The following NIPSNAP3B variants were observed in gnomAD, a reference collection of about 807,000 sequenced individuals.
The protein encoded by NIPSNAP3B is protein NipSnap homolog 3B.
A neutral mutation model predicts 31.5 loss-of-function variants in NIPSNAP3B; 30 were observed. That is an observed-to-expected ratio of 0.95 (90% CI 0.71 to 1.29). NIPSNAP3B has a LOEUF of 1.29. NIPSNAP3B is among the 50% of genes most tolerant of loss of function. The pLI is 0.00. For synonymous variants in NIPSNAP3B, 106 were observed against 107.9 expected, an observed-to-expected ratio of 0.98 and a Z score of 0.11; for missense variants, 269 against 300.7, an observed-to-expected ratio of 0.89 and a Z score of 0.78.
chr9:104,778,883 T>TAAC (rs929749983), downstream of NIPSNAP3B, among the ~76,000 whole-genome samples: 1 of 152,180 alleles, frequency 6.6e-6, no homozygotes, highest in African/African-American at 2.4e-5. Context: ...CTTGTTGCAC[T>TAAC]AACAATAAAA....
chr9:104,768,093 A>G (rs1390572422), intron 2 of NIPSNAP3B, among the ~76,000 whole-genome samples: 1 of 152,172 alleles, frequency 6.6e-6, no homozygotes, highest in Non-Finnish European at 1.5e-5. Flanking sequence ...TTTCACTTGT[A>G]TTTTTAAAAA....
the NIPSNAP3B span, among the ~76,000 whole-genome samples, chr9:104,785,090 C>CT: frequency 6.6e-6 from 1 of 152,100 alleles, no homozygotes; most frequent in Non-Finnish European, 1.5e-5. Context: ...CTATTTGGTA[C>CT]TTTTTTATCT....
chr9:104,765,920 A>T (rs1828081205), intron 1 of NIPSNAP3B, among the ~76,000 whole-genome samples: 2 of 152,198 alleles, frequency 1.3e-5, no homozygotes, highest in African/African-American at 4.8e-5. Flanking sequence ...TACTTAATAA[A>T]TTTTTTTCAA....
downstream of NIPSNAP3B, among the ~76,000 whole-genome samples, chr9:104,778,491 T>A (rs919567369): frequency 6.6e-6 from 1 of 152,120 alleles, no homozygotes; most frequent in African/African-American, 2.4e-5. Context: ...CCTCCCAAAG[T>A]GCTGTGATTA....
rs762957975 is a variant in NIPSNAP3B, at chr9:104,770,834, T to G, written c.431-15T>G. On this transcript the variant is annotated splice_polypyrimidine_tract_variant and intron_variant, in intron 3 of 5. Transcript: ENST00000374762. The stretch of plus-strand genomic sequence containing the variant: ...AATGTCTTCTGTGAAATAATTATTT[T>G]TCTCCCTATTCTAGGAGTCTATGAA... 6.2e-7 allele frequency: 1 copy of G among 1,607,668 alleles called. No homozygotes were observed. Among genetic ancestry groups the G allele is most frequent in the East Asian group, 2.2e-5 (1 of 44,818 alleles).
intron 1 of NIPSNAP3B, 84 bp downstream of exon 1, chr9:104,764,384 T>A (rs1219880721): frequency 3.2e-6 from 4 of 1,244,326 alleles, no homozygotes; most frequent in Non-Finnish European, 4.4e-6. Flanking sequence ...CGAGCCACGC[T>A]CAGGCGCTCC....
In NIPSNAP3B at chr9:104,772,924, A is replaced by G. The variant is rs1384362587; in HGVS notation, c.667+16A>G. Reference sequence around the variant, plus strand: ...GTGGCGGCTGGTAAGCTGTTTCACTAAGCACGAATTATTTTTAGAACAAAT... The same window carrying G: ...GTGGCGGCTGGTAAGCTGTTTCACTGAGCACGAATTATTTTTAGAACAAAT... On this transcript the variant is annotated intron_variant, in intron 5 of 5. Transcript: ENST00000374762. 1.9e-6 allele frequency: 3 copies of G among 1,613,690 alleles called. No homozygotes were observed. In the African/African-American group the frequency reaches 4.0e-5, roughly 22 times the overall value.
chr9:104,789,078 G>C, the NIPSNAP3B span, among the ~76,000 whole-genome samples: 1 of 152,206 alleles, frequency 6.6e-6, no homozygotes, highest in African/African-American at 2.4e-5. Flanking sequence ...GAGAAGTTCA[G>C]TGTTCACGTT....
Position 104,776,815 on chromosome 9 carries a change from A to G in NIPSNAP3B, c.*3742A>G, listed in dbSNP as rs949042041. Among the ~76,000 whole-genome samples the G allele has an allele frequency of 7.2e-5, 11 of 152,184 alleles. No homozygotes were observed. Among genetic ancestry groups the G allele is most frequent in the Non-Finnish European group, 1.6e-4 (11 of 68,034 alleles). On this transcript the variant is annotated 3_prime_UTR_variant, in exon 6 of 6. Coordinates refer to ENST00000374762, the MANE Select transcript of NIPSNAP3B (RefSeq NM_018376.4). ...AAGGGTTTTTGTTTTCATTATTGTC[A>G]TATTACCTGTGCCTGGCATGTGATA...
the NIPSNAP3B span, chr9:104,783,153 T>C: frequency 2.6e-5 from 4 of 152,204 alleles, no homozygotes; most frequent in African/African-American, 9.6e-5. Context: ...ATATGCAAAC[T>C]TACATAAGAA....
At chr9:104,766,662 T>A in intron 2 of NIPSNAP3B, 127 bp downstream of exon 2, 1 of 888,812 alleles carries the variant, frequency 1.1e-6, no homozygotes, top group African/African-American at 1.7e-5. Flanking sequence ...TTAAAAGCAA[T>A]ACCAAAAAAA....
At position 104,766,537 on chromosome 9, in the gene NIPSNAP3B, T is replaced by A; in HGVS notation, c.271+2T>A. Reference sequence around the variant, plus strand: ...AAGTGTTTCATATTTGGAAGTATGGTAAAGAGTCATCCAGTTTTAGTATTC... The same window carrying A: ...AAGTGTTTCATATTTGGAAGTATGGAAAAGAGTCATCCAGTTTTAGTATTC... On this transcript the variant is annotated splice_donor_variant, in intron 2 of 5. Coordinates refer to ENST00000374762, the MANE Select transcript of NIPSNAP3B (RefSeq NM_018376.4). LOFTEE classifies it high-confidence loss of function. 1 of 1,610,586 alleles carries A rather than the reference T, an allele frequency of 6.2e-7. No homozygotes were observed. Among genetic ancestry groups the A allele is most frequent in the Non-Finnish European group, 8.5e-7 (1 of 1,177,438 alleles).
the NIPSNAP3B span, among the ~76,000 whole-genome samples, chr9:104,787,207 A>C: frequency 6.6e-6 from 1 of 152,194 alleles, no homozygotes; most frequent in East Asian, 1.9e-4. Flanking sequence ...GTACTTTTTT[A>C]TGTAATTAAA....
In NIPSNAP3B at chr9:104,770,907, T is replaced by A; in HGVS notation, c.489T>A (p.Asp163Glu). 1 of 1,613,936 alleles carries A rather than the reference T, an allele frequency of 6.2e-7. No homozygotes were observed. Among genetic ancestry groups the A allele is most frequent in the Non-Finnish European group, 8.5e-7 (1 of 1,179,806 alleles). The change falls in exon 4 of 6, where the codon GAT (aspartate) becomes GAA (glutamate). Residue 163 changes from aspartate to glutamate, a missense_variant. Transcript: ENST00000374762. ...MKPGGPALWG[D>E]AFERAINAHV... is the part of the protein sequence containing the mutation. The stretch of plus-strand genomic sequence containing the variant: ...CTGGTGGGCCAGCTCTGTGGGGTGA[T>A]GCATTTGAAAGAGCAATTAATGCCC...
At chr9:104,781,757 A>T (rs971786359), downstream of NIPSNAP3B, 2 of 152,754 alleles carry the variant, frequency 1.3e-5, no homozygotes, top group African/African-American at 2.4e-5. Context: ...CCAAAGATGC[A>T]AAAGCAGAAA....
At chr9:104,764,417 C>T in intron 1 of NIPSNAP3B, 117 bp downstream of exon 1, 12 of 829,228 alleles carry the variant, frequency 1.4e-5, no homozygotes, top group Non-Finnish European at 1.6e-5. Flanking sequence ...CCCGCGCCGC[C>T]GCCGAAGTTC....
At chr9:104,778,080 A>T (rs925312646), downstream of NIPSNAP3B, among the ~76,000 whole-genome samples, 3 of 151,896 alleles carry the variant, frequency 2.0e-5, no homozygotes, top group African/African-American at 7.3e-5. Context: ...TTCAGATTTT[A>T]CTCTCTCTCA....
rs939662642 is a variant in NIPSNAP3B, at chr9:104,775,890, C to T, written c.*2817C>T. On this transcript the variant is annotated 3_prime_UTR_variant, in exon 6 of 6. Coordinates refer to ENST00000374762, the MANE Select transcript of NIPSNAP3B (RefSeq NM_018376.4). ...GTCCCAAATATCTAGAATTTGATTG[C>T]TTCACATCCCTATAGCAACTCTCCT... 2.0e-4 allele frequency among the ~76,000 whole-genome samples: 31 copies of T among 152,196 alleles called. No homozygotes were observed. The highest frequency in any genetic ancestry group is 7.2e-4 in the African/African-American group (30 of 41,444).
chr9:104,767,959 T>C (rs981518443), intron 2 of NIPSNAP3B, among the ~76,000 whole-genome samples: 1 of 152,180 alleles, frequency 6.6e-6, no homozygotes, highest in Non-Finnish European at 1.5e-5. Flanking sequence ...GTCCATTATA[T>C]GAAACAGCAT....
Sources: allele counts gnomAD v4.1 joint callset (sites outside exome capture counted in the v4.1 genomes callset), GRCh38; gene constraint gnomAD v4.1.1; transcripts MANE v1.5; gene names NCBI Gene and HGNC (gene_info 2026-07-23, HGNC 2026-07-21).